HEYL: variants seen among roughly 807,000 people sequenced by gnomAD.
HEYL encodes hes related family bHLH transcription factor with YRPW motif like.
A neutral mutation model predicts 18.6 loss-of-function variants in HEYL; 12 were observed. That is an observed-to-expected ratio of 0.65 (90% CI 0.41 to 1.05). HEYL has a LOEUF of 1.05. Among genes scored for constraint, HEYL ranks in the 50% least tolerant of loss-of-function variants. The pLI, the probability that HEYL is intolerant of heterozygous loss-of-function variation, is 0.00. For synonymous variants in HEYL, 159 were observed against 179.6 expected (o/e 0.89, Z 0.91); for missense variants, 420 against 444.7 (o/e 0.94, Z 0.50).
rs188949879 is a variant in HEYL at position 39,634,398 on chromosome 1, A to G, written c.81-1683T>C. ...GCATGAGCCACCATGGCTGGCCCCA[A>G]TGTTTTTTAAGATCAAGGCCACCAT... is the stretch of plus-strand genomic sequence containing the variant. On this transcript the variant is annotated intron_variant, in intron 1 of 4. Transcript: ENST00000372852. 2.4e-3 allele frequency among the ~76,000 whole-genome samples: 366 copies of G among 152,262 alleles called. 1 individual carries two copies. Among genetic ancestry groups the G allele is most frequent in the African/African-American group, 7.7e-3 (320 of 41,548 alleles).
chr1:39,638,452 G>A (rs1410546925), intron 1 of HEYL, among the ~76,000 whole-genome samples: 2 of 152,180 alleles, frequency 1.3e-5, no homozygotes, highest in African/African-American at 4.8e-5. Flanking sequence ...GTGAGACCAT[G>A]TCAAAAAGAA....
chr1:39,628,755 A>G (rs1298989190), intron 4 of HEYL, among the ~76,000 whole-genome samples: 2 of 149,888 alleles, frequency 1.3e-5, no homozygotes, highest in African/African-American at 4.9e-5. Flanking sequence ...CCACCACCAC[A>G]CCCGGCTGAT....
At chr1:39,634,875 A>T (rs1245557779) in intron 1 of HEYL, among the ~76,000 whole-genome samples, 1 of 152,244 alleles carries the variant, frequency 6.6e-6, no homozygotes, top group Admixed American at 6.5e-5. Context: ...AGCAGAACTC[A>T]TGGTAGAGCT....
In HEYL at chr1:39,630,294, C is replaced by T. The variant is rs768184067; in HGVS notation, c.246G>A (p.Leu82=). 1.9e-6 allele frequency: 3 copies of T among 1,614,060 alleles called. No individual in the cohort carries two copies. Among genetic ancestry groups the T allele is most frequent in the Admixed American group, 1.7e-5 (1 of 60,022 alleles). ...TAFEKQGSSK[L]EKAEVLQMTV... The stretch of plus-strand genomic sequence containing the variant: ...TCATCTGCAAGACCTCGGCTTTCTC[C>T]AGCTTGGAAGAGCCCTGCGGGTACA... Residue 82 remains leucine (L), a synonymous_variant, in exon 4 of 5, where the codon CTG becomes CTA. Transcript: ENST00000372852.
chr1:39,635,345 T>G (rs1646356887), intron 1 of HEYL, among the ~76,000 whole-genome samples: 1 of 152,086 alleles, frequency 6.6e-6, no homozygotes, highest in Non-Finnish European at 1.5e-5. Flanking sequence ...CGGCCTTTGT[T>G]CCCCCCAGCT....
At chr1:39,635,896 G>A (rs1646360136) in intron 1 of HEYL, among the ~76,000 whole-genome samples, 1 of 152,214 alleles carries the variant, frequency 6.6e-6, no homozygotes, top group Admixed American at 6.5e-5. Context: ...CTGAGAATCT[G>A]AAAATGACAC....
At chr1:39,630,120 T>C (rs1646323921) in intron 4 of HEYL, 107 bp downstream of exon 4, 3 of 864,726 alleles carry the variant, frequency 3.5e-6, no homozygotes, top group Non-Finnish European at 5.9e-6. Flanking sequence ...TTGACTGAGC[T>C]CCTCAGAGTG....
In HEYL at chr1:39,630,233, C is replaced by T; in HGVS notation, c.307G>A (p.Gly103Arg). ...AAGAGAAGAGCATGGGTACCTGTCC[C>T]ACCAGTGGCATGGAGCATTTTCAAG... ...DHLKMLHATG[G>R]TGFFDARALA... The change falls in exon 4 of 5, where the codon GGG becomes AGG. Residue 103 changes from glycine (G) to arginine (R), a missense_variant. By Grantham distance (125) the Gly-to-Arg change is moderately radical. Coordinates refer to ENST00000372852, the MANE Select transcript of HEYL (RefSeq NM_014571.4). 3 of 1,613,784 alleles carry T rather than the reference C, an allele frequency of 1.9e-6. No homozygotes were observed. Among genetic ancestry groups the T allele is most frequent in the Non-Finnish European group, 2.5e-6 (3 of 1,179,704 alleles).
In HEYL at chr1:39,626,380, T is replaced by C. The variant is rs1646296870; in HGVS notation, c.*127A>G. 2 of 812,608 alleles carry C rather than the reference T, an allele frequency of 2.5e-6. No individual in the cohort carries two copies. The highest frequency in any genetic ancestry group is 3.9e-5 in the South Asian group (2 of 51,142). 50.3% of individuals were successfully genotyped at this position (812,608 alleles called of 1,614,324 possible). A position where few individuals can be genotyped will look rare whatever the true frequency, so the allele number is the denominator to read the frequency against. On this transcript the variant is annotated 3_prime_UTR_variant, in exon 5 of 5. Transcript: ENST00000372852. ...GGTTGGAGGAGGAGGGGGCCTCTGA[T>C]GGCTGGAGAACGTGCCTTCACATAT...
rs1036415171 is a variant in HEYL at position 39,626,730 on chromosome 1, G to T, written c.764C>A (p.Ala255Glu). 9 of 1,511,794 alleles carry T rather than the reference G, an allele frequency of 6.0e-6. No individual in the cohort carries two copies. The highest frequency in any genetic ancestry group is 8.0e-6 in the Non-Finnish European group (9 of 1,125,778). The allele number at this position is 1,511,794 out of a possible 1,614,324, so 93.6% of individuals were successfully genotyped here. The change falls in exon 5 of 5, where the codon GCG becomes GAG. Residue 255 changes from alanine (A) to glutamate (E), a missense_variant. Physicochemically the swap from Ala to Glu is moderately radical, Grantham distance 107 (BLOSUM62 -1). Transcript: ENST00000372852. ...TRRARPLERP[A>E]TPVPVAPSSR... ...GCTGGGGGCGACAGGCACAGGGGTCGCTGGCCTCTCTAGGGGGCGGGCCCT... is the reference window on the plus strand; with the variant it reads ...GCTGGGGGCGACAGGCACAGGGGTCTCTGGCCTCTCTAGGGGGCGGGCCCT...
At chr1:39,632,137 G>A (rs1035821133) in intron 2 of HEYL, among the ~76,000 whole-genome samples, 3 of 152,246 alleles carry the variant, frequency 2.0e-5, no homozygotes, top group Non-Finnish European at 4.4e-5. Context: ...TACAGTCAGT[G>A]AGTGTCAGGC....
At chr1:39,632,982 T>A in intron 1 of HEYL, 1 of 975,554 alleles carries the variant, frequency 1.0e-6, no homozygotes, top group Non-Finnish European at 1.2e-6. Context: ...GGGAACCGCG[T>A]ACCGCGGCGC....
Position 39,631,510 on chromosome 1 carries a change from C to T in HEYL, c.217G>A (p.Ala73Thr), listed in dbSNP as rs555240790. ...ATGTCACATACCTGTTTCTCAAAGGCAGTGGGGACCAAGCGTCGCAATTCA... is the reference window on the plus strand; with the variant it reads ...ATGTCACATACCTGTTTCTCAAAGGTAGTGGGGACCAAGCGTCGCAATTCA... ...LSELRRLVPT[A>T]FEKQGSSKLE... is the part of the protein sequence containing the mutation. The change falls in exon 3 of 5, where the codon GCC becomes ACC. Residue 73 changes from alanine to threonine, a missense_variant. Transcript: ENST00000372852. 6.2e-7 allele frequency: 1 copy of T among 1,614,114 alleles called. No individual in the cohort carries two copies. The highest frequency in any genetic ancestry group is 1.3e-5 in the African/African-American group (1 of 75,042).
At chr1:39,633,940 C>T (rs1157262929) in intron 1 of HEYL, 4 of 152,392 alleles carry the variant, frequency 2.6e-5, no homozygotes, top group Non-Finnish European at 4.4e-5. Flanking sequence ...CCTTTATCAT[C>T]TTTCATCTGG....
chr1:39,636,280 T>G (rs1446420434), intron 1 of HEYL, among the ~76,000 whole-genome samples: 3 of 151,908 alleles, frequency 2.0e-5, no homozygotes, highest in African/African-American at 7.3e-5. Context: ...TTTCTTTTCT[T>G]TTTTGAGACA....
intron 1 of HEYL, among the ~76,000 whole-genome samples, chr1:39,635,665 G>A (rs1304195701): frequency 6.6e-6 from 1 of 152,180 alleles, no homozygotes; most frequent in Admixed American, 6.5e-5. Context: ...GGGAGCTAAA[G>A]CAGGTTGCCC....
In HEYL at chr1:39,630,147, T is replaced by C. The variant is rs1175988824; in HGVS notation, c.313+80A>G. The C allele has an allele frequency of 6.5e-6, 8 of 1,230,344 alleles. No homozygotes were observed. The East Asian group carries it at 1.4e-4, about 21-fold the overall frequency. The allele number at this position is 1,230,344 out of a possible 1,614,324, so 76.2% of individuals were successfully genotyped here. ...CTCAGAGTGGGCAGCGTGTGGACTT[T>C]GCTCACCAGCATATCCCCAGGGCCC... is the stretch of plus-strand genomic sequence containing the variant. On this transcript the variant is annotated intron_variant, in intron 4 of 4. Transcript: ENST00000372852.
chr1:39,630,688 C>A (rs925809223), intron 3 of HEYL, among the ~76,000 whole-genome samples: 13 of 152,242 alleles, frequency 8.5e-5, no homozygotes, highest in Non-Finnish European at 1.5e-4. Context: ...GCTTTAGCCA[C>A]CATCCTCAGA....
chr1:39,627,095 C>G lies in HEYL; in HGVS notation c.399G>C (p.Gly133=). The G allele has an allele frequency of 1.2e-6, 2 of 1,614,130 alleles. No individual in the cohort carries two copies. Among genetic ancestry groups the G allele is most frequent in the Non-Finnish European group, 1.7e-6 (2 of 1,179,994 alleles). ...CACGGCTGCTGGGCCCTTCAAGGAC[C>G]CCCAGGTACCTGATGACCTCAGTGA... ...ECLTEVIRYL[G]VLEGPSSRAD... The change falls in exon 5 of 5, where the codon GGG becomes GGC. Residue 133 remains glycine (G), a synonymous_variant. Transcript: ENST00000372852.
Sources: allele counts gnomAD v4.1 joint callset (sites outside exome capture counted in the v4.1 genomes callset), GRCh38; gene constraint gnomAD v4.1.1; transcripts MANE v1.5; gene names NCBI Gene and HGNC (gene_info 2026-07-23, HGNC 2026-07-21).